WDR18: variants seen among roughly 807,000 people sequenced by gnomAD.
WDR18 encodes the protein WD repeat domain 18, also known as WD repeat-containing protein 18.
A neutral mutation model predicts 49.6 loss-of-function variants in WDR18; 33 were observed. The ratio of observed to expected loss-of-function variants is 0.67; its 90% CI spans 0.50 to 0.89. The LOEUF (loss-of-function observed/expected upper bound fraction) is 0.89. Among genes scored for constraint, WDR18 ranks in the 40% least tolerant of loss-of-function variants. The pLI is 0.00. For synonymous variants in WDR18, 315 were observed against 263.6 expected, an observed-to-expected ratio of 1.19 and a Z score of -1.89; for missense variants, 653 against 593.6, an observed-to-expected ratio of 1.10 and a Z score of -1.04.
rs1435422239 is a variant in WDR18, at chr19:991,106, A to C, written c.767A>C (p.His256Pro). ...TWPGQRERSF[H>P]PEQDAGKVFK... The stretch of plus-strand genomic sequence containing the variant: ...CCCGGACAGAGGGAGAGGAGCTTCC[A>C]CCCAGAGCAGGACGCCGGGAAGGTC... The change falls in exon 6 of 10, where the codon CAC (histidine) becomes CCC (proline). Residue 256 changes from histidine to proline, a missense_variant. By Grantham distance (77) the His-to-Pro change is moderately conservative. Transcript: ENST00000585809. The C allele has an allele frequency of 1.3e-6, 2 of 1,595,630 alleles. No individual in the cohort carries two copies. The highest frequency in any genetic ancestry group is 1.7e-4 in the Middle Eastern group (1 of 6,052).
Position 994,529 on chromosome 19 carries a change from C to A in WDR18, c.*185C>A, listed in dbSNP as rs1341279292. On this transcript the variant is annotated 3_prime_UTR_variant, in exon 10 of 10. Transcript: ENST00000585809. ...TGGCACGCGTCACAGTGGTGCTAGTCTGTTTTTAACAAAAGAGGATGAAAA... is the reference window on the plus strand; with the variant it reads ...TGGCACGCGTCACAGTGGTGCTAGTATGTTTTTAACAAAAGAGGATGAAAA... 2.2e-5 allele frequency: 19 copies of A among 845,604 alleles called. No homozygotes were observed. Among genetic ancestry groups the A allele is most frequent in the Non-Finnish European group, 3.4e-5 (19 of 564,120 alleles). 52.4% of individuals were successfully genotyped at this position (845,604 alleles called of 1,614,324 possible).
chr19:987,859 A>T (rs1468806092), intron 2 of WDR18, among the ~76,000 whole-genome samples: 1 of 74,148 alleles, frequency 1.3e-5, no homozygotes, highest in Non-Finnish European at 2.4e-5. Context: ...TTTTCAGATG[A>T]AGTCTCGCTC....
Position 985,871 on chromosome 19 carries a change from C to T in WDR18, c.217C>T (p.Leu73Phe). ...SAWELQRKDQ[L>F]QQKIMCPGPV... is the part of the protein sequence containing the mutation. ...GCTGACTGTGCATCCTTAGGACCAG[C>T]TCCAGCAGAAGATCATGTGCCCCGG... is the stretch of plus-strand genomic sequence containing the variant. Residue 73 changes from leucine (L) to phenylalanine (F), a missense_variant, in exon 2 of 10, where the codon CTC becomes TTC. Leu to Phe is a conservative substitution (Grantham distance 22). Coordinates refer to ENST00000585809, the MANE Select transcript of WDR18 (RefSeq NM_024100.4). 6.2e-7 allele frequency: 1 copy of T among 1,613,862 alleles called. No individual in the cohort carries two copies. The highest frequency in any genetic ancestry group is 8.5e-7 in the Non-Finnish European group (1 of 1,179,972).
chr19:990,609 T>C (rs929460918), intron 4 of WDR18: 5 of 806,652 alleles, frequency 6.2e-6, no homozygotes, highest in African/African-American at 5.2e-5. Flanking sequence ...ATCACTATGC[T>C]TGAGTCGTGA....
upstream of WDR18, among the ~76,000 whole-genome samples, chr19:983,404 G>A (rs2038438269): frequency 6.6e-6 from 1 of 152,048 alleles, no homozygotes; most frequent in South Asian, 2.1e-4. Context: ...CGATTCTCCT[G>A]CCTCAGCCTC....
chr19:987,028 G>C (rs2038482293), intron 2 of WDR18, among the ~76,000 whole-genome samples: 1 of 152,172 alleles, frequency 6.6e-6, no homozygotes, highest in Non-Finnish European at 1.5e-5. Flanking sequence ...GGGTGGGCAT[G>C]AGCATTCTCG....
In WDR18 at chr19:986,635, G is replaced by A. The variant is rs75246439; in HGVS notation, c.321+660G>A. Among the ~76,000 whole-genome samples the A allele has an allele frequency of 1.4e-3, 214 of 152,294 alleles. No homozygotes were observed. The East Asian group carries it at 0.028, about 20-fold the overall frequency. ...CAACTCCTAGACACACTCACAGCCC[G>A]GATCCTGCCATGCTCTCACTGCGAG... On this transcript the variant is annotated intron_variant, in intron 2 of 9. Coordinates refer to ENST00000585809, the MANE Select transcript of WDR18 (RefSeq NM_024100.4).
rs2038490657 is a variant in WDR18, at chr19:987,829, G to GTTTTTTTTGTTTTTT, written c.321+1862_321+1863insGTTTTTTTTTTTTTT. Reference sequence around the variant, plus strand: ...ACCCCTGCTCCCCTAGCCGCCTCCAGTTTTTTTTTTTTTTTTTTTTTTTCA... The same window carrying GTTTTTTTTGTTTTTT: ...ACCCCTGCTCCCCTAGCCGCCTCCAGTTTTTTTTGTTTTTTTTTTTTTTTTTTTTTTTTTTTTTCA... On this transcript the variant is annotated intron_variant, in intron 2 of 9. Coordinates refer to ENST00000585809, the MANE Select transcript of WDR18 (RefSeq NM_024100.4). 5.9e-4 allele frequency among the ~76,000 whole-genome samples: 54 copies of GTTTTTTTTGTTTTTT among 91,808 alleles called. 3 individuals are homozygous for GTTTTTTTTGTTTTTT. Among genetic ancestry groups the GTTTTTTTTGTTTTTT allele is most frequent in the African/African-American group, 2.7e-3 (51 of 18,934 alleles). 60.2% of individuals were successfully genotyped at this position (91,808 alleles called of 152,430 possible). A position where few individuals can be genotyped will look rare whatever the true frequency, so the allele number is the denominator to read the frequency against.
rs558838238 is a variant in WDR18 at position 987,955 on chromosome 19, C to A, written c.322-1807C>A. Among the ~76,000 whole-genome samples, 21 of 150,784 alleles carry A rather than the reference C, an allele frequency of 1.4e-4. No individual in the cohort carries two copies. The South Asian group carries it at 4.4e-3, about 32-fold the overall frequency. The stretch of plus-strand genomic sequence containing the variant: ...GTTCAAGCGATTCTCCTGCCTCAGC[C>A]TCCCAAGTAGCTGGGAGGCGCCCGC... On this transcript the variant is annotated intron_variant, in intron 2 of 9. Coordinates refer to ENST00000585809, the MANE Select transcript of WDR18 (RefSeq NM_024100.4).
Position 985,953 on chromosome 19 carries a change from C to G in WDR18, c.299C>G (p.Ala100Gly). The G allele has an allele frequency of 3.1e-6, 5 of 1,613,754 alleles. No individual in the cohort carries two copies. Among genetic ancestry groups the G allele is most frequent in the Non-Finnish European group, 4.2e-6 (5 of 1,179,946 alleles). The change falls in exon 2 of 10, where the codon GCA (alanine) becomes GGA (glycine). Residue 100 changes from alanine to glycine, a missense_variant. Physicochemically the swap from Ala to Gly is moderately conservative, Grantham distance 60. Transcript: ENST00000585809. Reference sequence around the variant, plus strand: ...GGTCTCTACGTCCTGGCAGGAGTTGCAGAAAGCATCCACCTGTGGGAGGTA... The same window carrying G: ...GGTCTCTACGTCCTGGCAGGAGTTGGAGAAAGCATCCACCTGTGGGAGGTA... Reference protein sequence around the residue: ...PNGLYVLAGVAESIHLWEVST... With the variant: ...PNGLYVLAGVGESIHLWEVST...
Position 985,929 on chromosome 19 carries a change from G to C in WDR18, c.275G>C (p.Gly92Ala), listed in dbSNP as rs1300215956. 1 of 1,613,896 alleles carries C rather than the reference G, an allele frequency of 6.2e-7. No homozygotes were observed. Among genetic ancestry groups the C allele is most frequent in the Non-Finnish European group, 8.5e-7 (1 of 1,179,978 alleles). ...PVTCLTASPN[G>A]LYVLAGVAES... ...ACCTGTCTGACTGCATCACCCAATG[G>C]TCTCTACGTCCTGGCAGGAGTTGCA... The change falls in exon 2 of 10, where the codon GGT (glycine) becomes GCT (alanine). Residue 92 changes from glycine to alanine, a missense_variant. By Grantham distance (60) the Gly-to-Ala change is moderately conservative. Transcript: ENST00000585809.
At chr19:988,668 T>C (rs3815157) in intron 2 of WDR18, among the ~76,000 whole-genome samples, 93,945 of 152,016 alleles carry the variant, frequency 0.62, 29,949 homozygotes, top group Non-Finnish European at 0.71. Flanking sequence ...AAGATGTCTG[T>C]GGGGCCACGC....
At chr19:989,707 C>T in intron 2 of WDR18, 55 bp from the exon 3 acceptor site, 1 of 1,602,676 alleles carries the variant, frequency 6.2e-7, no homozygotes, top group Non-Finnish European at 8.5e-7. Flanking sequence ...TGCAGCCCCC[C>T]TTTCCTCCCC....
chr19:994,253 C>G lies in WDR18; in HGVS notation c.1208C>G (p.Thr403Arg). ...CAGGACCAGCTGCGCGTCCGTGTGA[C>G]GGAGCTGGAGGACGAGGTGCGCAAC... Reference protein sequence around the residue: ...GGQDQLRVRVTELEDEVRNLR... With the variant: ...GGQDQLRVRVRELEDEVRNLR... Residue 403 changes from threonine to arginine, a missense_variant, in exon 10 of 10, where the codon ACG becomes AGG. Physicochemically the swap from Thr to Arg is moderately conservative, Grantham distance 71. Coordinates refer to ENST00000585809, the MANE Select transcript of WDR18 (RefSeq NM_024100.4). The G allele has an allele frequency of 6.2e-7, 1 of 1,608,636 alleles. No homozygotes were observed.
In WDR18 at chr19:992,051, T is replaced by C; in HGVS notation, c.1028T>C (p.Leu343Pro). Residue 343 changes from leucine to proline, a missense_variant, in exon 8 of 10, where the codon CTG becomes CCG. Leu to Pro is a moderately conservative substitution (Grantham distance 98). Coordinates refer to ENST00000585809, the MANE Select transcript of WDR18 (RefSeq NM_024100.4). ...CCGCTGCCCCACTTCAACAAGCACC[T>C]GCTGGGCGCCGAGCACGGGGACGAG... is the stretch of plus-strand genomic sequence containing the variant. ...SLPLPHFNKHLLGAEHGDEPR... is the reference protein window; with the variant it reads ...SLPLPHFNKHPLGAEHGDEPR... 1 of 1,583,406 alleles carries C rather than the reference T, an allele frequency of 6.3e-7. No homozygotes were observed. Among genetic ancestry groups the C allele is most frequent in the Non-Finnish European group, 8.6e-7 (1 of 1,169,514 alleles).
At position 991,964 on chromosome 19, in the gene WDR18, C is replaced by T. The variant is rs1599448521; in HGVS notation, c.941C>T (p.Thr314Ile). Residue 314 changes from threonine to isoleucine, a missense_variant, in exon 8 of 10, where the codon ACC (threonine) becomes ATC (isoleucine). Transcript: ENST00000585809. ...IRTVALKGPV[T>I]NAAILLAPVS... is the part of the protein sequence containing the mutation. ...CCTCCGCGCCCCCCAGGCCCAGTCA[C>T]CAATGCCGCCATCCTGCTGGCGCCC... is the stretch of plus-strand genomic sequence containing the variant. 6.3e-7 allele frequency: 1 copy of T among 1,589,354 alleles called. No individual in the cohort carries two copies. Among genetic ancestry groups the T allele is most frequent in the African/African-American group, 1.4e-5 (1 of 73,350 alleles).
chr19:989,695 G>T, intron 2 of WDR18, 67 bp from the exon 3 acceptor site: 1 of 1,593,950 alleles, frequency 6.3e-7, no homozygotes, highest in Non-Finnish European at 8.5e-7. Context: ...GGTTCCTGGG[G>T]CTGCAGCCCC....
intron 2 of WDR18, among the ~76,000 whole-genome samples, chr19:989,128 C>G (rs1230063714): frequency 1.2e-5 from 1 of 86,164 alleles, no homozygotes; most frequent in Non-Finnish European, 2.6e-5. Flanking sequence ...CACAAACCCC[C>G]CCAAGAGCAT....
intron 8 of WDR18, 38 bp from the exon 9 acceptor site, chr19:993,982 G>A (rs1221647804): frequency 6.5e-7 from 1 of 1,546,660 alleles, no homozygotes; most frequent in Non-Finnish European, 8.7e-7. Context: ...GTGTGTGACA[G>A]GACGCGCCCC....
Sources: gnomAD v4.1 joint callset for allele counts (sites outside exome capture counted in the v4.1 genomes callset) on GRCh38, gnomAD v4.1.1 for gene constraint, MANE v1.5 for transcripts, NCBI Gene and HGNC (gene_info 2026-07-23, HGNC 2026-07-21) for gene names.